The following MVB12B variants were observed in gnomAD, a reference collection of about 807,000 sequenced individuals.
MVB12B encodes the protein multivesicular body subunit 12B, also known as ESCRT-I complex subunit MVB12B.
In MVB12B, 16 loss-of-function variants were observed where a neutral mutation model predicts 41.6. The ratio of observed to expected loss-of-function variants is 0.38; its 90% CI spans 0.26 to 0.58. The LOEUF (loss-of-function observed/expected upper bound fraction) is 0.58. Among genes scored for constraint, MVB12B ranks in the 20% least tolerant of loss-of-function variants. MVB12B has a pLI of 0.62. For synonymous variants in MVB12B, 133 were observed against 139.7 expected (o/e 0.95, Z 0.34); for missense variants, 274 against 380.2 (o/e 0.72, Z 2.32).
rs1829422801 is a variant in MVB12B at position 126,340,714 on chromosome 9, C to T, written c.204+84C>T. On this transcript the variant is annotated intron_variant, in intron 2 of 9. Coordinates refer to ENST00000361171, the MANE Select transcript of MVB12B (RefSeq NM_033446.3). The surrounding 1 kb of genome is among the most constrained non-coding windows in gnomAD (Gnocchi z 4.0). ...TGTGTCCAAGACCTTCTGGCCCTTG[C>T]GTGTAAGATGTGCTTCTTCCCTCTA... is the stretch of plus-strand genomic sequence containing the variant. 5 of 1,498,850 alleles carry T rather than the reference C, an allele frequency of 3.3e-6. No homozygotes were observed. Among genetic ancestry groups the T allele is most frequent in the Non-Finnish European group, 4.6e-6 (5 of 1,091,934 alleles). 92.8% of individuals were successfully genotyped at this position (1,498,850 alleles called of 1,614,324 possible).
At chr9:126,487,762 G>A (rs1833649625) in intron 9 of MVB12B, among the ~76,000 whole-genome samples, 3 of 118,586 alleles carry the variant, frequency 2.5e-5, no homozygotes, top group Non-Finnish European at 3.5e-5. Flanking sequence ...GCGAGACTCC[G>A]TCTCAAAAAA....
intron 9 of MVB12B, among the ~76,000 whole-genome samples, chr9:126,493,149 T>C (rs1484388905): frequency 6.6e-6 from 1 of 152,122 alleles, no homozygotes; most frequent in Non-Finnish European, 1.5e-5. Context: ...CTTTGTGTCA[T>C]AGTTAGATTA....
chr9:126,405,589 A>G (rs1831396184), intron 6 of MVB12B, among the ~76,000 whole-genome samples: 2 of 152,106 alleles, frequency 1.3e-5, no homozygotes, highest in Admixed American at 1.3e-4. Context: ...GCGTTAAACC[A>G]GCGATATTTC....
chr9:126,428,959 A>G (rs1832257708), intron 7 of MVB12B, among the ~76,000 whole-genome samples: 1 of 152,060 alleles, frequency 6.6e-6, no homozygotes, highest in Non-Finnish European at 1.5e-5. Context: ...TTCGCTCCAC[A>G]GAGGATTTTC....
chr9:126,435,912 G>A (rs1371623990), intron 7 of MVB12B, among the ~76,000 whole-genome samples: 1 of 152,192 alleles, frequency 6.6e-6, no homozygotes, highest in East Asian at 1.9e-4. Context: ...GGGACTGCTT[G>A]TTTCTTCAGG....
chr9:126,337,729 T>G (rs904648921), intron 1 of MVB12B, among the ~76,000 whole-genome samples: 8 of 152,192 alleles, frequency 5.3e-5, no homozygotes, highest in Admixed American at 5.2e-4. Flanking sequence ...TTAGTGTGTT[T>G]TGCGGGCAGT....
At position 126,506,076 on chromosome 9, in the gene MVB12B, C is replaced by A. The variant is rs139824881; in HGVS notation, c.*2813C>A. The A allele has an allele frequency of 8.5e-5, 13 of 152,452 alleles. No individual in the cohort carries two copies. Among genetic ancestry groups the A allele is most frequent in the Admixed American group, 2.6e-4 (4 of 15,304 alleles). 9.4% of individuals were successfully genotyped at this position (152,452 alleles called of 1,614,324 possible). On this transcript the variant is annotated 3_prime_UTR_variant, in exon 10 of 10. Transcript: ENST00000361171. ...TAAGGAGCAGGTGCTTTGCTGCAGT[C>A]TCCCTTGCAAATGTATAATTAAGGC...
chr9:126,501,938 C>T (rs968796152), intron 9 of MVB12B, among the ~76,000 whole-genome samples: 1 of 151,976 alleles, frequency 6.6e-6, no homozygotes, highest in Non-Finnish European at 1.5e-5. Flanking sequence ...CCTGCTGGGG[C>T]GATGTGACCC....
chr9:126,472,575 G>A (rs1370767484), intron 7 of MVB12B, among the ~76,000 whole-genome samples: 1 of 151,918 alleles, frequency 6.6e-6, no homozygotes, highest in Admixed American at 6.6e-5. Flanking sequence ...TGTAGAATCT[G>A]TAAGCATTCA....
chr9:126,398,720 G>A (rs1831187825), intron 6 of MVB12B, among the ~76,000 whole-genome samples: 1 of 151,770 alleles, frequency 6.6e-6, no homozygotes, highest in Admixed American at 6.5e-5. Flanking sequence ...GGAGCTAGTG[G>A]CAGGCTCTTT....
At chr9:126,433,235 G>A (rs1039414980) in intron 7 of MVB12B, among the ~76,000 whole-genome samples, 3 of 148,514 alleles carry the variant, frequency 2.0e-5, no homozygotes, top group African/African-American at 7.9e-5. Flanking sequence ...TGCTGTGATT[G>A]TTGGTATCCA....
At chr9:126,497,882 G>A (rs948509085) in intron 9 of MVB12B, among the ~76,000 whole-genome samples, 1 of 152,202 alleles carries the variant, frequency 6.6e-6, no homozygotes, top group Non-Finnish European at 1.5e-5. Flanking sequence ...GTCACCTGGG[G>A]TCCTTGTCAA....
chr9:126,492,031 C>T (rs150713873), intron 9 of MVB12B, among the ~76,000 whole-genome samples: 280 of 151,558 alleles, frequency 1.8e-3, no homozygotes, highest in African/African-American at 5.9e-3. Context: ...TTCCTGAGTA[C>T]CAAGGTTGTC....
intron 2 of MVB12B, among the ~76,000 whole-genome samples, chr9:126,368,780 C>G (rs1377548797): frequency 2.0e-5 from 3 of 152,088 alleles, no homozygotes; most frequent in Non-Finnish European, 4.4e-5. Flanking sequence ...TAATAACAGC[C>G]AAGGCTTAAG....
intron 7 of MVB12B, among the ~76,000 whole-genome samples, chr9:126,461,147 T>C (rs957257238): frequency 2.0e-5 from 3 of 152,154 alleles, no homozygotes; most frequent in African/African-American, 7.2e-5. Context: ...AGTCCACCCA[T>C]TCTTCATTTT....
At chr9:126,422,150 A>G (rs1442136360) in intron 7 of MVB12B, among the ~76,000 whole-genome samples, 3 of 152,242 alleles carry the variant, frequency 2.0e-5, no homozygotes, top group African/African-American at 7.2e-5. Flanking sequence ...AATACTCAGC[A>G]TGTTTTGAAA....
At position 126,342,114 on chromosome 9, in the gene MVB12B, G is replaced by C. The variant is rs181148557; in HGVS notation, c.204+1484G>C. On this transcript the variant is annotated intron_variant, in intron 2 of 9. Transcript: ENST00000361171. ...TTTGTGCCACGAAACTCTGGGGGAA[G>C]CTAATAAAAATGTTCCTGATTTGAG... is the stretch of plus-strand genomic sequence containing the variant. 4.6e-5 allele frequency among the ~76,000 whole-genome samples: 7 copies of C among 152,362 alleles called. No homozygotes were observed. The East Asian group carries it at 1.3e-3, about 29-fold the overall frequency.
At chr9:126,483,628 G>T (rs560494914) in intron 8 of MVB12B, among the ~76,000 whole-genome samples, 2 of 152,276 alleles carry the variant, frequency 1.3e-5, no homozygotes, top group East Asian at 3.9e-4. Context: ...CCTTGCCTGC[G>T]TGTTCTGCTG....
intron 7 of MVB12B, among the ~76,000 whole-genome samples, chr9:126,461,981 C>G (rs1465678792): frequency 6.6e-6 from 1 of 152,248 alleles, no homozygotes; most frequent in Non-Finnish European, 1.5e-5. Context: ...CCAAAAGAGG[C>G]TTCGCTGAGT....
Sources: allele counts gnomAD v4.1 joint callset (sites outside exome capture counted in the v4.1 genomes callset), GRCh38; gene constraint gnomAD v4.1.1; non-coding constraint Gnocchi (gnomAD v3.1); transcripts MANE v1.5; gene names NCBI Gene and HGNC (gene_info 2026-07-23, HGNC 2026-07-21).